PRICKLE1: variants seen among roughly 807,000 people sequenced by gnomAD.
The protein encoded by PRICKLE1 is prickle planar cell polarity protein 1, also known as prickle-like protein 1.
A neutral mutation model predicts 70.2 loss-of-function variants in PRICKLE1; 14 were observed. The ratio of observed to expected loss-of-function variants is 0.20; its 90% CI spans 0.13 to 0.31. The LOEUF (loss-of-function observed/expected upper bound fraction) is 0.31, where lower values mean the gene tolerates loss of function less well. Ranked by LOEUF, PRICKLE1 falls within the 10% of genes least tolerant of loss-of-function variation. The probability of loss-of-function intolerance (pLI) is 1.00; values close to 1 mark genes in which losing one functional copy is unlikely to be tolerated. For missense variants in PRICKLE1, 821 were observed against 1,026.2 expected, an observed-to-expected ratio of 0.80 and a Z score of 2.73; for synonymous variants, 357 against 379.9, an observed-to-expected ratio of 0.94 and a Z score of 0.70.
intron 1 of PRICKLE1, among the ~76,000 whole-genome samples, chr12:42,486,140 T>C (rs531019638): frequency 6.6e-6 from 1 of 152,344 alleles, no homozygotes; most frequent in Middle Eastern, 3.4e-3. Context: ...GTTCCCTCGC[T>C]CCATCCTGGT....
At chr12:42,486,145 C>T (rs1938986995) in intron 1 of PRICKLE1, among the ~76,000 whole-genome samples, 1 of 152,196 alleles carries the variant, frequency 6.6e-6, no homozygotes, top group Non-Finnish European at 1.5e-5. Flanking sequence ...CTCGCTCCAT[C>T]CTGGTCTTTG....
chr12:42,588,263 A>G (rs1941015898), intron 1 of PRICKLE1, among the ~76,000 whole-genome samples: 1 of 152,252 alleles, frequency 6.6e-6, no homozygotes, highest in African/African-American at 2.4e-5. Flanking sequence ...ACATTAAAAA[A>G]TGTCTGATGG....
intron 1 of PRICKLE1, among the ~76,000 whole-genome samples, chr12:42,569,027 T>G (rs1940666955): frequency 6.6e-6 from 1 of 152,306 alleles, no homozygotes; most frequent in Middle Eastern, 3.4e-3. Context: ...TACATACTAG[T>G]CTATAATCTG....
At chr12:42,465,871 G>T (rs1477878170) in intron 6 of PRICKLE1, 5 of 430,180 alleles carry the variant, frequency 1.2e-5, no homozygotes, top group South Asian at 1.1e-4. Context: ...GTGAAACAAG[G>T]TTATGTATTG....
chr12:42,497,315 GC>G (rs1566102115), intron 1 of PRICKLE1, among the ~76,000 whole-genome samples: 49 of 152,254 alleles, frequency 3.2e-4, no homozygotes, highest in Admixed American at 3.0e-3. Flanking sequence ...GGAGGCCAGG[GC>G]GGGCGGATCA....
At chr12:42,541,441 A>G (rs1014151560) in intron 1 of PRICKLE1, among the ~76,000 whole-genome samples, 6 of 151,874 alleles carry the variant, frequency 4.0e-5, no homozygotes, top group African/African-American at 1.5e-4. Context: ...CCTGGGCTCA[A>G]GCAATCCTCC....
chr12:42,537,150 T>C (rs1940028255), intron 1 of PRICKLE1, among the ~76,000 whole-genome samples: 1 of 152,084 alleles, frequency 6.6e-6, no homozygotes, highest in Non-Finnish European at 1.5e-5. Context: ...GAGACTTTTT[T>C]TTTTTTGAGA....
chr12:42,484,344 T>C (rs1023138922), intron 1 of PRICKLE1: 4 of 152,060 alleles, frequency 2.6e-5, no homozygotes, highest in African/African-American at 9.7e-5. Flanking sequence ...CCTAGGACGC[T>C]TATGTAAACT....
chr12:42,554,380 T>C lies in PRICKLE1; in HGVS notation c.-49+35085A>G, dbSNP rs565742507. Among the ~76,000 whole-genome samples, 76 of 152,316 alleles carry C rather than the reference T, an allele frequency of 5.0e-4. 1 individual carries two copies. The highest frequency in any genetic ancestry group is 9.2e-4 in the Admixed American group (14 of 15,300). ...AAGTAAAATAACCCATAATTTTACA[T>C]TGAAAACTTAGAATTCAGCAAAGCC... On this transcript the variant is annotated intron_variant, in intron 1 of 7. Coordinates refer to ENST00000345127, the MANE Select transcript of PRICKLE1 (RefSeq NM_153026.3).
At chr12:42,588,391 T>C (rs1321762610) in intron 1 of PRICKLE1, among the ~76,000 whole-genome samples, 4 of 152,228 alleles carry the variant, frequency 2.6e-5, no homozygotes, top group African/African-American at 9.6e-5. Flanking sequence ...TTTCAGTGAT[T>C]TGTCATTCAT....
At chr12:42,551,447 TA>T (rs1940315781) in intron 1 of PRICKLE1, among the ~76,000 whole-genome samples, 1 of 150,686 alleles carries the variant, frequency 6.6e-6, no homozygotes. Flanking sequence ...CTCCCAGTAA[TA>T]CTAACTGCAG....
intron 1 of PRICKLE1, among the ~76,000 whole-genome samples, chr12:42,533,169 C>T (rs1036068716): frequency 4.7e-5 from 7 of 150,008 alleles, no homozygotes; most frequent in African/African-American, 1.7e-4. Context: ...GGGTATATAC[C>T]AAAATGTTTA....
intron 1 of PRICKLE1, among the ~76,000 whole-genome samples, chr12:42,544,071 AG>A (rs1566120480): frequency 4.1e-5 from 2 of 48,784 alleles, no homozygotes; most frequent in East Asian, 1.9e-3. Flanking sequence ...AAGGAAGAGA[AG>A]AAGGGGCTGG....
At chr12:42,491,274 C>T (rs546333447) in intron 1 of PRICKLE1, among the ~76,000 whole-genome samples, 12 of 151,184 alleles carry the variant, frequency 7.9e-5, no homozygotes, top group African/African-American at 2.2e-4. Flanking sequence ...GCTCAGTGGC[C>T]GGGCGCGGTA....
At chr12:42,483,387 A>T (rs1474151341) in intron 1 of PRICKLE1, 1 of 151,126 alleles carries the variant, frequency 6.6e-6, no homozygotes, top group African/African-American at 2.5e-5. Flanking sequence ...TGCGGCCCGG[A>T]CAGCGGCCGA....
intron 1 of PRICKLE1, among the ~76,000 whole-genome samples, chr12:42,504,407 G>A (rs1224731728): frequency 2.0e-5 from 3 of 152,190 alleles, no homozygotes; most frequent in East Asian, 3.8e-4. Context: ...CATTTAGTGG[G>A]CAGAAAAATC....
intron 1 of PRICKLE1, 84 bp from the exon 2 acceptor site, chr12:42,472,648 C>A: frequency 8.7e-7 from 1 of 1,152,886 alleles, no homozygotes; most frequent in Non-Finnish European, 1.3e-6. Flanking sequence ...TTATTGAATG[C>A]TGTTAACAGA....
intron 1 of PRICKLE1, among the ~76,000 whole-genome samples, chr12:42,569,135 T>C (rs543065459): frequency 6.6e-6 from 1 of 152,362 alleles, no homozygotes; most frequent in East Asian, 1.9e-4. Flanking sequence ...TTAATGGATA[T>C]ACCATCATTT....
At chr12:42,497,047 T>G (rs2708050) in intron 1 of PRICKLE1, among the ~76,000 whole-genome samples, 12,582 of 152,162 alleles carry the variant, frequency 0.083, 705 homozygotes, top group African/African-American at 0.16. Flanking sequence ...TTTTAACATG[T>G]CTTACTCACT....
Sources: allele counts gnomAD v4.1 joint callset (sites outside exome capture counted in the v4.1 genomes callset), GRCh38; gene constraint gnomAD v4.1.1; transcripts MANE v1.5; gene names NCBI Gene and HGNC (gene_info 2026-07-23, HGNC 2026-07-21).